PID1: variants seen among roughly 807,000 people sequenced by gnomAD.
The protein encoded by PID1 is phosphotyrosine interaction domain containing 1.
Under a neutral mutation model 19.1 loss-of-function variants are expected in PID1, and 10 were observed. The ratio of observed to expected loss-of-function variants is 0.52; its 90% confidence interval spans 0.32 to 0.89. The LOEUF is 0.89. Among genes scored for constraint, PID1 ranks in the 40% least tolerant of loss-of-function variants. The pLI is 0.03. For missense variants in PID1, 248 were observed against 285.3 expected (o/e 0.87, Z 0.94); for synonymous variants, 130 against 116.0 (o/e 1.12, Z -0.78).
chr2:229,251,900 TG>T (rs1690160488), intron 1 of PID1, among the ~76,000 whole-genome samples: 1 of 150,428 alleles, frequency 6.6e-6, no homozygotes, highest in African/African-American at 2.5e-5. Context: ...AAATAAGTTT[TG>T]ATGGCCATCT....
At chr2:229,182,821 G>A (rs893668052) in intron 1 of PID1, among the ~76,000 whole-genome samples, 2 of 152,180 alleles carry the variant, frequency 1.3e-5, no homozygotes, top group African/African-American at 4.8e-5. Flanking sequence ...TGACCAAGCT[G>A]GCTGTTAACG....
intron 1 of PID1, among the ~76,000 whole-genome samples, chr2:229,223,042 C>T (rs185578289): frequency 2.4e-4 from 37 of 152,242 alleles, no homozygotes; most frequent in African/African-American, 8.9e-4. Flanking sequence ...TTTTCCTACA[C>T]ATGGCTTTCG....
chr2:229,056,183 T>C (rs1694096208), intron 2 of PID1, among the ~76,000 whole-genome samples: 1 of 152,128 alleles, frequency 6.6e-6, no homozygotes, highest in Non-Finnish European at 1.5e-5. Flanking sequence ...AGCCAAGAGA[T>C]AAGAATATTA....
At chr2:229,222,870 C>A (rs1271615347) in intron 1 of PID1, among the ~76,000 whole-genome samples, 10 of 96,300 alleles carry the variant, frequency 1.0e-4, no homozygotes, top group African/African-American at 4.9e-4. Flanking sequence ...CACAAACACA[C>A]ACACACACAC....
In PID1 at chr2:229,164,073, G is replaced by C. The variant is rs549530232; in HGVS notation, c.31-8109C>G. Among the ~76,000 whole-genome samples, 7 of 152,262 alleles carry C rather than the reference G, an allele frequency of 4.6e-5. No homozygotes were observed. In the South Asian group the frequency reaches 1.4e-3, roughly 32 times the overall value. On this transcript the variant is annotated intron_variant, in intron 1 of 2. Coordinates refer to ENST00000392055, the MANE Select transcript of PID1 (RefSeq NM_001100818.2). ...TTAGCTCCAGCTGACTGTTGCAACT[G>C]CCTTATTGACCTAGGGGCTTTCCTC...
Position 229,094,865 on chromosome 2 carries a change from A to C in PID1, c.177+60953T>G, listed in dbSNP as rs1217284789. Reference sequence around the variant, plus strand: ...AACTCAAACAAATCAGCAAGAAAAAAAAACAAACAAAAGAAAAAAACAAGT... The same window carrying C: ...AACTCAAACAAATCAGCAAGAAAAACAAACAAACAAAAGAAAAAAACAAGT... On this transcript the variant is annotated intron_variant, in intron 2 of 2. Transcript: ENST00000392055. 2.6e-5 allele frequency among the ~76,000 whole-genome samples: 4 copies of C among 152,184 alleles called. No homozygotes were observed. In the East Asian group the frequency reaches 5.8e-4, roughly 22 times the overall value.
At chr2:229,230,850 C>T (rs1036574988) in intron 1 of PID1, among the ~76,000 whole-genome samples, 1 of 151,936 alleles carries the variant, frequency 6.6e-6, no homozygotes, top group Non-Finnish European at 1.5e-5. Flanking sequence ...TATATATAAA[C>T]ACAATATAAA....
At chr2:229,189,011 G>A (rs746384216) in intron 1 of PID1, among the ~76,000 whole-genome samples, 1 of 152,062 alleles carries the variant, frequency 6.6e-6, no homozygotes, top group Admixed American at 6.6e-5. Flanking sequence ...ATACATCAAA[G>A]GCACGCCTGA....
intron 1 of PID1, among the ~76,000 whole-genome samples, chr2:229,216,531 A>G (rs1463971414): frequency 6.6e-6 from 1 of 152,222 alleles, no homozygotes; most frequent in Non-Finnish European, 1.5e-5. Flanking sequence ...AAAATGATGG[A>G]GATGCTACAA....
At chr2:229,228,987 G>T (rs2106265223) in intron 1 of PID1, among the ~76,000 whole-genome samples, 1 of 152,298 alleles carries the variant, frequency 6.6e-6, no homozygotes. Flanking sequence ...ATGCCTTTGA[G>T]ATATGGAAGG....
intron 2 of PID1, among the ~76,000 whole-genome samples, chr2:229,056,046 A>G (rs1694093194): frequency 6.6e-6 from 1 of 152,204 alleles, no homozygotes. Context: ...AGTCATTTGC[A>G]GACTATACAT....
At position 229,077,756 on chromosome 2, in the gene PID1, G is replaced by A. The variant is rs555778595; in HGVS notation, c.178-51648C>T. Among the ~76,000 whole-genome samples, 4 of 152,110 alleles carry A rather than the reference G, an allele frequency of 2.6e-5. No individual in the cohort carries two copies. In the East Asian group the frequency reaches 7.7e-4, roughly 29 times the overall value. ...TCCATTGGTCTATATACCCGTTTTG[G>A]TACCAGTACCATGCCATTTTGGTTA... is the stretch of plus-strand genomic sequence containing the variant. On this transcript the variant is annotated intron_variant, in intron 2 of 2. Coordinates refer to ENST00000392055, the MANE Select transcript of PID1 (RefSeq NM_001100818.2).
Position 229,091,275 on chromosome 2 carries a change from C to T in PID1, c.177+64543G>A, listed in dbSNP as rs114211021. 7.2e-3 allele frequency among the ~76,000 whole-genome samples: 1,099 copies of T among 151,844 alleles called. 6 individuals carry two copies. Among genetic ancestry groups the T allele is most frequent in the Middle Eastern group, 0.01 (3 of 292 alleles). ...TTACTAGCAAAATGGGCATGCAATTCCCTTTCAAAGCAATGGGTTTAGACA... is the reference window on the plus strand; with the variant it reads ...TTACTAGCAAAATGGGCATGCAATTTCCTTTCAAAGCAATGGGTTTAGACA... On this transcript the variant is annotated intron_variant, in intron 2 of 2. Coordinates refer to ENST00000392055, the MANE Select transcript of PID1 (RefSeq NM_001100818.2).
At chr2:229,178,448 C>G (rs1690871560) in intron 1 of PID1, among the ~76,000 whole-genome samples, 2 of 152,030 alleles carry the variant, frequency 1.3e-5, no homozygotes, top group Non-Finnish European at 2.9e-5. Context: ...AGCTTATTTT[C>G]TTCAATTAGT....
rs139926797 is a variant in PID1 at position 229,138,531 on chromosome 2, T to C, written c.177+17287A>G. On this transcript the variant is annotated intron_variant, in intron 2 of 2. Transcript: ENST00000392055. ...GTGGCCCAAGGTCTAATGTTCTACA[T>C]TGTGGTCTCATGGTGTATAATGTAT... Among the ~76,000 whole-genome samples, 305 of 152,228 alleles carry C rather than the reference T, an allele frequency of 2.0e-3. 1 individual carries two copies. The highest frequency in any genetic ancestry group is 7.3e-3 in the African/African-American group (302 of 41,544).
chr2:229,236,299 A>C (rs1398921164), intron 1 of PID1: 6 of 152,210 alleles, frequency 3.9e-5, no homozygotes, highest in Admixed American at 2.0e-4. Flanking sequence ...AACAGAAGGA[A>C]GAAGAGGGAG....
intron 2 of PID1, among the ~76,000 whole-genome samples, chr2:229,043,450 A>G (rs1045302130): frequency 6.6e-6 from 1 of 151,726 alleles, no homozygotes; most frequent in African/African-American, 2.4e-5. Context: ...TTAAGAGAAG[A>G]AAAAAAAAGA....
intron 2 of PID1, among the ~76,000 whole-genome samples, chr2:229,067,951 A>T (rs1694365391): frequency 6.6e-6 from 1 of 152,086 alleles, no homozygotes; most frequent in African/African-American, 2.4e-5. Context: ...GTCAGTTCCA[A>T]AGCTTTCCTT....
chr2:229,212,242 C>G (rs533869057), intron 1 of PID1, among the ~76,000 whole-genome samples: 22 of 152,186 alleles, frequency 1.4e-4, no homozygotes, highest in Non-Finnish European at 2.8e-4. Flanking sequence ...GCCCTTGAAT[C>G]AGGCATCTAA....
Sources: gnomAD v4.1 joint callset for allele counts (sites outside exome capture counted in the v4.1 genomes callset) on GRCh38, gnomAD v4.1.1 for gene constraint, MANE v1.5 for transcripts, NCBI Gene and HGNC (gene_info 2026-07-23, HGNC 2026-07-21) for gene names.